DCAF6: variants seen among roughly 807,000 people sequenced by gnomAD.
DCAF6 encodes the protein DDB1- and CUL4-associated factor 6.
DCAF6 carries 54 observed loss-of-function variants against 125.1 expected under a neutral mutation model. The observed-to-expected ratio is 0.43, with a 90% CI of 0.35 to 0.54. The LOEUF (loss-of-function observed/expected upper bound fraction) is 0.54. DCAF6 is among the 20% of genes least tolerant of loss of function. The probability of loss-of-function intolerance (pLI) is 0.01; values close to 1 mark genes in which losing one functional copy is unlikely to be tolerated. For missense variants in DCAF6, 934 were observed against 1,161.7 expected (o/e 0.80, Z 2.85); for synonymous variants, 371 against 390.4 (o/e 0.95, Z 0.58).
intron 10 of DCAF6, among the ~76,000 whole-genome samples, chr1:168,014,902 T>G (rs1684755233): frequency 6.6e-6 from 1 of 152,180 alleles, no homozygotes; most frequent in African/African-American, 2.4e-5. Context: ...AAAATAACCC[T>G]TGCCCTGTCA....
chr1:168,075,270 A>G (rs534964035), intron 21 of DCAF6, 101 bp from the exon 22 acceptor site: 4 of 1,079,244 alleles, frequency 3.7e-6, no homozygotes, highest in Non-Finnish European at 5.3e-6. Context: ...ATAGTGGTGA[A>G]CTGATTTTTA....
intron 17 of DCAF6, among the ~76,000 whole-genome samples, chr1:168,062,532 A>G (rs1691727635): frequency 6.6e-6 from 1 of 152,150 alleles, no homozygotes; most frequent in Non-Finnish European, 1.5e-5. Flanking sequence ...AAACATAAAA[A>G]GATCAGTTTT....
In DCAF6 at chr1:167,940,509, T is replaced by TG. The variant is rs200521057; in HGVS notation, c.97+3501_97+3502insG. Among the ~76,000 whole-genome samples, 1,207 of 151,658 alleles carry TG rather than the reference T, an allele frequency of 8.0e-3. 12 individuals are homozygous for TG. Among genetic ancestry groups the TG allele is most frequent in the African/African-American group, 0.027 (1,117 of 41,294 alleles). On this transcript the variant is annotated intron_variant, in intron 1 of 21. Coordinates refer to ENST00000367840, the MANE Select transcript of DCAF6 (RefSeq NM_001198956.2). ...CCTCCCACCTCAGCCTCCTGGAATT[T>TG]TTTTTTTTTTTAAAGAATAATTATC... is the stretch of plus-strand genomic sequence containing the variant.
intron 13 of DCAF6, among the ~76,000 whole-genome samples, chr1:168,040,941 CTT>C (rs1328291614): frequency 6.9e-6 from 1 of 144,780 alleles, no homozygotes; most frequent in Non-Finnish European, 1.5e-5. Context: ...AGTATACAGA[CTT>C]TTTCATCTAT....
At chr1:167,885,771 C>T in the DCAF6 span, among the ~76,000 whole-genome samples, 81 of 152,162 alleles carry the variant, frequency 5.3e-4, no homozygotes, top group South Asian at 1.5e-3. Context: ...CCCACCACTA[C>T]GCCCAGCTAA....
chr1:167,901,929 C>A, the DCAF6 span: 1 of 1,606,252 alleles, frequency 6.2e-7, no homozygotes, highest in South Asian at 1.1e-5. Context: ...ACTCCCTTCT[C>A]TAGGATGCCT....
chr1:167,920,490 G>T, the DCAF6 span: 1 of 1,564,838 alleles, frequency 6.4e-7, no homozygotes, highest in Non-Finnish European at 8.7e-7. Context: ...TGATATAAAA[G>T]AAAACAAAAA....
intron 17 of DCAF6, among the ~76,000 whole-genome samples, chr1:168,055,135 A>G (rs992754315): frequency 6.6e-6 from 1 of 152,118 alleles, no homozygotes; most frequent in African/African-American, 2.4e-5. Context: ...TGCCTGGGGA[A>G]TGCGTCTTTA....
At chr1:167,928,564 C>T in the DCAF6 span, among the ~76,000 whole-genome samples, 2 of 152,146 alleles carry the variant, frequency 1.3e-5, no homozygotes, top group Admixed American at 1.3e-4. Context: ...TTCCAACTTA[C>T]TTCAACATTT....
intron 12 of DCAF6, among the ~76,000 whole-genome samples, chr1:168,030,851 TTA>T (rs1686995712): frequency 6.6e-6 from 1 of 152,220 alleles, no homozygotes; most frequent in Non-Finnish European, 1.5e-5. Context: ...CTGTTGGAGA[TTA>T]ACAGGTGACT....
At chr1:167,977,695 A>AT (rs1678462782) in intron 4 of DCAF6, among the ~76,000 whole-genome samples, 1 of 151,916 alleles carries the variant, frequency 6.6e-6, no homozygotes, top group Non-Finnish European at 1.5e-5. Flanking sequence ...TATTCTCTCC[A>AT]TTTTTTTGTA....
At chr1:167,995,679 C>CA (rs1681556438) in intron 7 of DCAF6, among the ~76,000 whole-genome samples, 1 of 124,832 alleles carries the variant, frequency 8.0e-6, no homozygotes, top group East Asian at 2.3e-4. Flanking sequence ...AACTCAGTCT[C>CA]AGAAAAAAAA....
chr1:167,915,592 A>C, the DCAF6 span, among the ~76,000 whole-genome samples: 1 of 152,182 alleles, frequency 6.6e-6, no homozygotes, highest in African/African-American at 2.4e-5. Context: ...CTCGGATTAC[A>C]GGCATGTGCC....
intron 18 of DCAF6, chr1:168,063,979 A>G (rs1691954350): frequency 5.3e-6 from 2 of 377,450 alleles, no homozygotes; most frequent in South Asian, 1.7e-4. Flanking sequence ...TGCAGATTAA[A>G]AAAATTTTTA....
chr1:167,878,686 C>A, the DCAF6 span: 1 of 1,558,046 alleles, frequency 6.4e-7, no homozygotes, highest in Non-Finnish European at 8.8e-7. Context: ...AGGCATTGAA[C>A]TGAATGTAAT....
intron 16 of DCAF6, among the ~76,000 whole-genome samples, chr1:168,046,324 A>G (rs1215327281): frequency 6.6e-6 from 1 of 152,174 alleles, no homozygotes; most frequent in East Asian, 1.9e-4. Flanking sequence ...AACAATCAAG[A>G]TAGTCTATGA....
At chr1:167,899,335 T>G in the DCAF6 span, 2 of 1,348,252 alleles carry the variant, frequency 1.5e-6, no homozygotes, top group Middle Eastern at 4.1e-4. Context: ...AGGAGCTTTA[T>G]GAAACCAGCG....
the DCAF6 span, among the ~76,000 whole-genome samples, chr1:167,924,839 T>G: frequency 6.6e-6 from 1 of 152,188 alleles, no homozygotes; most frequent in Non-Finnish European, 1.5e-5. Flanking sequence ...TAATGTACTT[T>G]CATACTAGTT....
At chr1:168,008,280 G>C (rs1475821093) in intron 10 of DCAF6, among the ~76,000 whole-genome samples, 1 of 151,958 alleles carries the variant, frequency 6.6e-6, no homozygotes, top group African/African-American at 2.4e-5. Flanking sequence ...ATTGTTGTAC[G>C]TCATAAATCT....
Sources: gnomAD v4.1 joint callset for allele counts (sites outside exome capture counted in the v4.1 genomes callset) on GRCh38, gnomAD v4.1.1 for gene constraint, MANE v1.5 for transcripts, NCBI Gene and HGNC (gene_info 2026-07-23, HGNC 2026-07-21) for gene names.